The following LDB1 variants were observed in gnomAD, a reference collection of about 807,000 sequenced individuals.
LDB1 encodes LIM domain-binding protein 1.
In LDB1, 6 loss-of-function variants were observed where a neutral mutation model predicts 49.7. That is an observed-to-expected ratio of 0.12 (90% CI 0.07 to 0.24). The LOEUF (loss-of-function observed/expected upper bound fraction) is 0.24, where lower values mean the gene tolerates loss of function less well. Among genes scored for constraint, LDB1 ranks in the 10% least tolerant of loss-of-function variants. LDB1 has a pLI of 1.00. For synonymous variants in LDB1, 233 were observed against 202.0 expected, an observed-to-expected ratio of 1.15 and a Z score of -1.30; for missense variants, 341 against 561.7, an observed-to-expected ratio of 0.61 and a Z score of 3.97.
Position 102,109,285 on chromosome 10 carries a change from G to A in LDB1, c.856+99C>T, listed in dbSNP as rs1375990408. On this transcript the variant is annotated intron_variant, in intron 9 of 10. Coordinates refer to ENST00000673968, the MANE Select transcript of LDB1 (RefSeq NM_001113407.3). This position sits in a 1 kb window ranked among gnomAD's most constrained non-coding sequence, Gnocchi z 5.8. The stretch of plus-strand genomic sequence containing the variant: ...GCCCTGATCCCAATTTTGTAGACCC[G>A]GGAACAAGGAAGGGGTGGGGAAAAC... 9.4e-6 allele frequency: 15 copies of A among 1,603,042 alleles called. No homozygotes were observed. Among genetic ancestry groups the A allele is most frequent in the Non-Finnish European group, 1.2e-5 (14 of 1,174,014 alleles).
chr10:102,109,359 G>T lies in LDB1; in HGVS notation c.856+25C>A. On this transcript the variant is annotated intron_variant, in intron 9 of 10. Transcript: ENST00000673968. This position sits in a 1 kb window ranked among gnomAD's most constrained non-coding sequence, Gnocchi z 5.8. Reference sequence around the variant, plus strand: ...CTTTGGGGAGCGGTGTGAGATCCTGGTAAGAGCAGGTGCAAGGCACTCACC... The same window carrying T: ...CTTTGGGGAGCGGTGTGAGATCCTGTTAAGAGCAGGTGCAAGGCACTCACC... The T allele has an allele frequency of 6.2e-7, 1 of 1,613,598 alleles. No individual in the cohort carries two copies. Among genetic ancestry groups the T allele is most frequent in the Non-Finnish European group, 8.5e-7 (1 of 1,179,924 alleles).
chr10:102,104,595 G>A (rs965145338), downstream of LDB1, among the ~76,000 whole-genome samples: 1 of 152,140 alleles, frequency 6.6e-6, no homozygotes, highest in Admixed American at 6.5e-5. Context: ...TGGGGCTCCA[G>A]AGGAAGTTGC....
rs1252764389 is a variant in LDB1 at position 102,109,074 on chromosome 10, C to T, written c.960G>A (p.Lys320=). ...CGAAGGTGCTAGCTGGGCTCTTCTT[C>T]TTGCTGTTGCTGTTGTTGGTGTTGC... The part of the protein sequence containing the change: ...GGGNTNNSNS[K]KKSPASTFAL... Residue 320 remains lysine (K), a synonymous_variant, in exon 10 of 11, where the codon AAG becomes AAA. Transcript: ENST00000673968. The surrounding 1 kb of genome is among the most constrained non-coding windows in gnomAD (Gnocchi z 5.8). 1.2e-6 allele frequency: 2 copies of T among 1,614,088 alleles called. No individual in the cohort carries two copies. Among genetic ancestry groups the T allele is most frequent in the Non-Finnish European group, 1.7e-6 (2 of 1,180,044 alleles).
downstream of LDB1, among the ~76,000 whole-genome samples, chr10:102,104,838 T>G (rs2068141990): frequency 6.6e-6 from 1 of 152,078 alleles, no homozygotes; most frequent in Non-Finnish European, 1.5e-5. Flanking sequence ...AAGCCACACA[T>G]TTAACAACAC....
chr10:102,108,567 C>T (rs933766345), intron 10 of LDB1, among the ~76,000 whole-genome samples: 3 of 152,192 alleles, frequency 2.0e-5, no homozygotes, highest in African/African-American at 7.2e-5. Flanking sequence ...ACTCTACTCC[C>T]CTAGCTCCCT....
rs2068254274 is a variant in LDB1 at position 102,111,550 on chromosome 10, A to C, written c.26-14T>G. The C allele has an allele frequency of 6.7e-7, 1 of 1,497,348 alleles. No individual in the cohort carries two copies. 92.8% of individuals were successfully genotyped at this position (1,497,348 alleles called of 1,614,324 possible). ...TTGAGGAACAACCTAGACGAGAAAG[A>C]AAGGAGTCATAGCTGGGCGCGGTGG... On this transcript the variant is annotated splice_polypyrimidine_tract_variant and intron_variant, in intron 1 of 10. Coordinates refer to ENST00000673968, the MANE Select transcript of LDB1 (RefSeq NM_001113407.3).
At chr10:102,119,704 G>A (rs184478442) in intron 1 of LDB1, among the ~76,000 whole-genome samples, 1 of 147,868 alleles carries the variant, frequency 6.8e-6, no homozygotes, top group Non-Finnish European at 1.5e-5. Flanking sequence ...CAGGGAAGGG[G>A]GGGCAGCCCA....
chr10:102,114,764 T>G, intron 1 of LDB1: 1 of 906,258 alleles, frequency 1.1e-6, no homozygotes, highest in Non-Finnish European at 1.3e-6. Flanking sequence ...CTCCTCCTCC[T>G]TCTCGGCTCT....
chr10:102,105,558 T>A (rs1388536551), downstream of LDB1, among the ~76,000 whole-genome samples: 1 of 151,810 alleles, frequency 6.6e-6, no homozygotes, highest in Non-Finnish European at 1.5e-5. Flanking sequence ...TAAGACCCCA[T>A]CTCCAATCTA....
chr10:102,102,134 AGGTG>A (rs544172238), downstream of LDB1, among the ~76,000 whole-genome samples: 4 of 152,194 alleles, frequency 2.6e-5, no homozygotes, highest in South Asian at 8.3e-4. Context: ...CATGTTGGCC[AGGTG>A]GGTCTTGAAC....
intron 10 of LDB1, 99 bp downstream of exon 10, chr10:102,108,930 G>T: frequency 1.3e-6 from 2 of 1,511,230 alleles, no homozygotes; most frequent in Non-Finnish European, 1.8e-6. Flanking sequence ...GAGAAAAACT[G>T]TCTTTGCTTC....
Position 102,120,309 on chromosome 10 carries a change from A to G in LDB1, c.-199T>C, listed in dbSNP as rs2068401230. ...GCGCGGAGCAGACAGGAAGGAAGCCAGGCAGGAAGGCGAGCGGCCTCTGCG... is the reference window on the plus strand; with the variant it reads ...GCGCGGAGCAGACAGGAAGGAAGCCGGGCAGGAAGGCGAGCGGCCTCTGCG... On this transcript the variant is annotated 5_prime_UTR_variant, in exon 1 of 11. Transcript: ENST00000673968. The G allele has an allele frequency of 2.0e-6, 2 of 984,230 alleles. No individual in the cohort carries two copies. The highest frequency in any genetic ancestry group is 4.7e-5 in the South Asian group (1 of 21,348). The allele number at this position is 984,230 out of a possible 1,614,324, so 61.0% of individuals were successfully genotyped here.
At position 102,120,149 on chromosome 10, in the gene LDB1, G is replaced by C. The variant is rs562335798; in HGVS notation, c.-39C>G. ...GCCTCTGGGGGCCCAGCCGAGTCAC[G>C]GTGCCCGCCCCTCGCGGGGACAGGC... On this transcript the variant is annotated 5_prime_UTR_variant, in exon 1 of 11. Coordinates refer to ENST00000673968, the MANE Select transcript of LDB1 (RefSeq NM_001113407.3). The C allele has an allele frequency of 3.1e-6, 4 of 1,282,706 alleles. No individual in the cohort carries two copies. In the South Asian group the frequency reaches 9.8e-5, roughly 31 times the overall value. 79.5% of individuals were successfully genotyped at this position (1,282,706 alleles called of 1,614,324 possible). A position where few individuals can be genotyped will look rare whatever the true frequency, so the allele number is the denominator to read the frequency against.
downstream of LDB1, among the ~76,000 whole-genome samples, chr10:102,103,993 C>T (rs2068136567): frequency 6.6e-6 from 1 of 151,580 alleles, no homozygotes; most frequent in African/African-American, 2.4e-5. Context: ...AACTAGGAGG[C>T]AGAGGTTGCA....
intron 1 of LDB1, among the ~76,000 whole-genome samples, chr10:102,113,759 T>TAAAA (rs11422831): frequency 2.4e-5 from 3 of 123,648 alleles, no homozygotes; most frequent in East Asian, 2.2e-4. Flanking sequence ...TCCAATTTTG[T>TAAAA]AAAAAAAAAA....
intron 1 of LDB1, among the ~76,000 whole-genome samples, chr10:102,118,251 C>T (rs2068358477): frequency 6.6e-6 from 1 of 152,208 alleles, no homozygotes; most frequent in Non-Finnish European, 1.5e-5. Context: ...TGTGGTTCTC[C>T]TTGAAGTCTA....
In LDB1 at chr10:102,109,539, G is replaced by T; in HGVS notation, c.733-32C>A. 5 of 1,614,110 alleles carry T rather than the reference G, an allele frequency of 3.1e-6. No homozygotes were observed. Among genetic ancestry groups the T allele is most frequent in the Non-Finnish European group, 4.2e-6 (5 of 1,179,988 alleles). Reference sequence around the variant, plus strand: ...GTAGACAAGGAGGTGGCTTGTCAGGGGACAGACATGGAGCCGAGACTAAAT... The same window carrying T: ...GTAGACAAGGAGGTGGCTTGTCAGGTGACAGACATGGAGCCGAGACTAAAT... On this transcript the variant is annotated intron_variant, in intron 8 of 10. Transcript: ENST00000673968. The surrounding 1 kb of genome is among the most constrained non-coding windows in gnomAD (Gnocchi z 5.8).
At chr10:102,116,848 C>G (rs1444411684) in intron 1 of LDB1, among the ~76,000 whole-genome samples, 2 of 152,288 alleles carry the variant, frequency 1.3e-5, no homozygotes, top group African/African-American at 2.4e-5. Context: ...CCCAAATTTA[C>G]AGCTTAACTC....
At chr10:102,120,468 C>T (rs1469523802), upstream of LDB1, 4 of 884,556 alleles carry the variant, frequency 4.5e-6, no homozygotes, top group African/African-American at 1.8e-5. Context: ...CGCGCTCCCT[C>T]GCGCCGGCGC....
Sources: allele counts gnomAD v4.1 joint callset (sites outside exome capture counted in the v4.1 genomes callset), GRCh38; gene constraint gnomAD v4.1.1; non-coding constraint Gnocchi (gnomAD v3.1); transcripts MANE v1.5; gene names NCBI Gene and HGNC (gene_info 2026-07-23, HGNC 2026-07-21).